MARCHF1: variants seen among roughly 807,000 people sequenced by gnomAD.
The protein encoded by MARCHF1 is E3 ubiquitin-protein ligase MARCHF1.
Under a neutral mutation model 54.2 loss-of-function variants are expected in MARCHF1, and 40 were observed. The observed-to-expected ratio is 0.74, with a 90% CI of 0.57 to 0.96. The LOEUF (loss-of-function observed/expected upper bound fraction) is 0.96, where lower values mean the gene tolerates loss of function less well. Ranked by LOEUF, MARCHF1 falls within the 40% of genes least tolerant of loss-of-function variation. The pLI is 0.00. For synonymous variants in MARCHF1, 236 were observed against 236.3 expected, an observed-to-expected ratio of 1.00 and a Z score of 0.01; for missense variants, 586 against 656.5, an observed-to-expected ratio of 0.89 and a Z score of 1.17.
intron 4 of MARCHF1, among the ~76,000 whole-genome samples, chr4:163,733,866 A>G (rs1745953907): frequency 6.6e-6 from 1 of 152,358 alleles, no homozygotes; most frequent in African/African-American, 2.4e-5. Context: ...CACTAGTAAA[A>G]GTACTAAAAC....
At chr4:163,714,137 G>A (rs942608313) in intron 4 of MARCHF1, among the ~76,000 whole-genome samples, 1 of 152,040 alleles carries the variant, frequency 6.6e-6, no homozygotes, top group Non-Finnish European at 1.5e-5. Flanking sequence ...ATACACACAG[G>A]GTTCAGTAGG....
chr4:163,897,402 T>C (rs1750834297), intron 3 of MARCHF1, among the ~76,000 whole-genome samples: 1 of 152,102 alleles, frequency 6.6e-6, no homozygotes, highest in Non-Finnish European at 1.5e-5. Flanking sequence ...ACATTCCTTA[T>C]ATTCTCAGGA....
chr4:163,767,994 G>A (rs1328717598), intron 4 of MARCHF1, among the ~76,000 whole-genome samples: 1 of 152,116 alleles, frequency 6.6e-6, no homozygotes, highest in Non-Finnish European at 1.5e-5. Flanking sequence ...GAGGGTCTCT[G>A]TACAGAGATG....
intron 2 of MARCHF1, among the ~76,000 whole-genome samples, chr4:163,993,881 T>C (rs77476676): frequency 0.016 from 2,425 of 152,222 alleles, 56 homozygotes; most frequent in African/African-American, 0.051. Context: ...TAGGATTAAA[T>C]AAAATCAAAT....
At chr4:164,225,036 TC>T (rs1411321390) in intron 1 of MARCHF1, among the ~76,000 whole-genome samples, 3 of 151,974 alleles carry the variant, frequency 2.0e-5, no homozygotes, top group Non-Finnish European at 4.4e-5. Flanking sequence ...ACTTCCCTAA[TC>T]CCCCTAACAG....
chr4:163,752,203 C>G (rs945737831), intron 4 of MARCHF1, among the ~76,000 whole-genome samples: 14 of 152,100 alleles, frequency 9.2e-5, no homozygotes, highest in Non-Finnish European at 1.9e-4. Context: ...AATGCAACAC[C>G]TAAATGCAAT....
At chr4:164,202,260 A>G (rs1236543230) in intron 1 of MARCHF1, among the ~76,000 whole-genome samples, 5 of 152,214 alleles carry the variant, frequency 3.3e-5, no homozygotes, top group African/African-American at 4.8e-5. Flanking sequence ...TAAGCTAAGG[A>G]GATGGTGGAG....
At chr4:163,778,898 G>A (rs367851857) in intron 4 of MARCHF1, among the ~76,000 whole-genome samples, 10 of 152,016 alleles carry the variant, frequency 6.6e-5, no homozygotes, top group East Asian at 3.9e-4. Flanking sequence ...TATGTAACGG[G>A]TACAATGAGT....
At chr4:163,733,396 G>A (rs1281353770) in intron 4 of MARCHF1, among the ~76,000 whole-genome samples, 1 of 142,490 alleles carries the variant, frequency 7.0e-6, no homozygotes, top group East Asian at 2.1e-4. Context: ...CACTGGAAAT[G>A]GTTACTATTT....
chr4:164,313,316 T>C (rs1205501768), intron 1 of MARCHF1, among the ~76,000 whole-genome samples: 2 of 138,900 alleles, frequency 1.4e-5, no homozygotes, highest in Non-Finnish European at 3.0e-5. Flanking sequence ...GCCACTGCAC[T>C]CCAGCCTGGG....
chr4:163,615,281 T>TA (rs1477144482), intron 5 of MARCHF1, among the ~76,000 whole-genome samples: 2 of 152,068 alleles, frequency 1.3e-5, no homozygotes, highest in African/African-American at 4.8e-5. Flanking sequence ...GGAATTATTT[T>TA]AAAAGCTTAA....
At chr4:164,322,585 T>C (rs1240623561) in intron 1 of MARCHF1, among the ~76,000 whole-genome samples, 1 of 152,050 alleles carries the variant, frequency 6.6e-6, no homozygotes, top group Admixed American at 6.6e-5. Context: ...GAATTGTTTG[T>C]AACTCAAAGG....
intron 5 of MARCHF1, among the ~76,000 whole-genome samples, chr4:163,682,741 C>A (rs1023716868): frequency 6.6e-6 from 1 of 152,092 alleles, no homozygotes; most frequent in South Asian, 2.1e-4. Flanking sequence ...AGGGGCTTTT[C>A]CCCCTTTGCT....
chr4:163,852,119 T>C (rs1259968146), intron 4 of MARCHF1, among the ~76,000 whole-genome samples: 1 of 152,156 alleles, frequency 6.6e-6, no homozygotes, highest in Non-Finnish European at 1.5e-5. Flanking sequence ...GAAAATGTCA[T>C]CAAGAAATTG....
chr4:164,072,604 T>A (rs1754891670), intron 2 of MARCHF1, among the ~76,000 whole-genome samples: 1 of 151,420 alleles, frequency 6.6e-6, no homozygotes, highest in Non-Finnish European at 1.5e-5. Flanking sequence ...CAGATAAACT[T>A]TAAATGTTCT....
chr4:164,191,098 T>C (rs1044738527), intron 1 of MARCHF1, among the ~76,000 whole-genome samples: 1 of 152,230 alleles, frequency 6.6e-6, no homozygotes, highest in African/African-American at 2.4e-5. Context: ...CTGACAGTGA[T>C]TGGATCATAA....
At chr4:164,199,538 G>A (rs1731378336) in intron 1 of MARCHF1, among the ~76,000 whole-genome samples, 1 of 151,832 alleles carries the variant, frequency 6.6e-6, no homozygotes, top group African/African-American at 2.4e-5. Context: ...AGCTACTCGG[G>A]AGGCTGAGGC....
intron 1 of MARCHF1, among the ~76,000 whole-genome samples, chr4:164,132,666 A>G (rs1051789226): frequency 5.9e-5 from 9 of 152,166 alleles, no homozygotes; most frequent in Non-Finnish European, 1.0e-4. Context: ...CATCGACATA[A>G]TGGCTTTAGT....
intron 1 of MARCHF1, among the ~76,000 whole-genome samples, chr4:164,148,146 CA>C (rs1729817847): frequency 2.0e-5 from 3 of 149,826 alleles, no homozygotes; most frequent in Admixed American, 1.3e-4. Flanking sequence ...AAAAATAACA[CA>C]CACACACACA....
Sources: gnomAD v4.1 joint callset for allele counts (sites outside exome capture counted in the v4.1 genomes callset) on GRCh38, gnomAD v4.1.1 for gene constraint, MANE v1.5 for transcripts, NCBI Gene and HGNC (gene_info 2026-07-23, HGNC 2026-07-21) for gene names.